Variants in UNC13B observed in about 807,000 individuals in gnomAD.
The protein encoded by UNC13B is protein unc-13 homolog B.
In UNC13B, 144 loss-of-function variants were observed where a neutral mutation model predicts 211.0. That is an observed-to-expected ratio of 0.68 (90% CI 0.60 to 0.78). The LOEUF (loss-of-function observed/expected upper bound fraction) is 0.78. Ranked by LOEUF, UNC13B falls within the 30% of genes least tolerant of loss-of-function variation. The probability of loss-of-function intolerance (pLI) is 0.00; values close to 1 mark genes in which losing one functional copy is unlikely to be tolerated. For synonymous variants in UNC13B, 709 were observed against 725.8 expected (o/e 0.98, Z 0.37); for missense variants, 1,777 against 2,002.0 (o/e 0.89, Z 2.14).
chr9:35,215,730 A>G (rs1824214143), intron 1 of UNC13B, among the ~76,000 whole-genome samples: 1 of 152,128 alleles, frequency 6.6e-6, no homozygotes, highest in Non-Finnish European at 1.5e-5. Flanking sequence ...AAAATGAGCA[A>G]TTTTTTTCCT....
chr9:35,379,718 G>C (rs73501716), intron 17 of UNC13B, among the ~76,000 whole-genome samples: 2 of 152,104 alleles, frequency 1.3e-5, no homozygotes, highest in South Asian at 4.1e-4. Flanking sequence ...GCTTCAAGAA[G>C]CTCCTTGTTG....
chr9:35,280,990 C>T (rs780157656), intron 7 of UNC13B, among the ~76,000 whole-genome samples: 2 of 152,106 alleles, frequency 1.3e-5, no homozygotes, highest in Non-Finnish European at 2.9e-5. Context: ...CTGATGGCTT[C>T]TTGTTATAGG....
chr9:35,299,777 A>T (rs1829581993), intron 8 of UNC13B, among the ~76,000 whole-genome samples: 1 of 152,134 alleles, frequency 6.6e-6, no homozygotes, highest in African/African-American at 2.4e-5. Context: ...AACATGTATT[A>T]AATCTTATAA....
At chr9:35,265,513 G>A (rs1442887775) in intron 7 of UNC13B, among the ~76,000 whole-genome samples, 1 of 152,196 alleles carries the variant, frequency 6.6e-6, no homozygotes, top group African/African-American at 2.4e-5. Flanking sequence ...GGCAGCCTGA[G>A]CAGATGTATA....
At chr9:35,248,835 G>T (rs539756415) in intron 6 of UNC13B, among the ~76,000 whole-genome samples, 1 of 152,306 alleles carries the variant, frequency 6.6e-6, no homozygotes, top group South Asian at 2.1e-4. Context: ...ATATTCTGTT[G>T]ATTTGGGGTG....
chr9:35,313,710 C>T lies in UNC13B; in HGVS notation c.9324-189C>T, dbSNP rs900240137. Among the ~76,000 whole-genome samples, 4 of 151,636 alleles carry T rather than the reference C, an allele frequency of 2.6e-5. 1 individual carries two copies. The highest frequency in any genetic ancestry group is 9.7e-5 in the African/African-American group (4 of 41,306). The stretch of plus-strand genomic sequence containing the variant: ...CAGATGAGAAGCTAAAAGGAGTTAT[C>T]GTTTTAGAGAGGAATTGTTTTCACA... On this transcript the variant is annotated intron_variant, in intron 10 of 39. Coordinates refer to ENST00000635942, the MANE Select transcript of UNC13B (RefSeq NM_001371189.2).
At position 35,404,132 on chromosome 9, in the gene UNC13B, A is replaced by G; in HGVS notation, c.*99A>G. ...CCGGCTTAGGGTCTTTGCAGTCAAG[A>G]GGCTGACCCCTTCAGTTAAAGATAT... On this transcript the variant is annotated 3_prime_UTR_variant, in exon 40 of 40. Transcript: ENST00000635942. 1 of 1,448,286 alleles carries G rather than the reference A, an allele frequency of 6.9e-7. No individual in the cohort carries two copies. The highest frequency in any genetic ancestry group is 9.2e-7 in the Non-Finnish European group (1 of 1,089,222). The allele number at this position is 1,448,286 out of a possible 1,614,324, so 89.7% of individuals were successfully genotyped here.
rs868660059 is a variant in UNC13B, at chr9:35,402,313, G to A, written c.12485-854G>A. On this transcript the variant is annotated intron_variant, in intron 37 of 39. Transcript: ENST00000635942. ...TTTTTTTTTTTTGAGACGGAGTCTC[G>A]CTCTGTCGCCCAGGCTGGAGTCCAG... Among the ~76,000 whole-genome samples, 22 of 142,312 alleles carry A rather than the reference G, an allele frequency of 1.5e-4. No homozygotes were observed. The Middle Eastern group carries it at 0.011, about 74-fold the overall frequency. The allele number at this position is 142,312 out of a possible 152,430, so 93.4% of individuals were successfully genotyped here.
chr9:35,399,385 T>G lies in UNC13B; in HGVS notation c.12199-7T>G, dbSNP rs1294404749. ...CTCTGCTTTTGACTGATTCCCTCTC[T>G]GCCCAGGGCACCCAGCTGATCTTCA... On this transcript the variant is annotated splice_polypyrimidine_tract_variant and splice_region_variant and intron_variant, in intron 34 of 39. Transcript: ENST00000635942. The G allele has an allele frequency of 3.1e-6, 5 of 1,614,114 alleles. No homozygotes were observed. In the South Asian group the frequency reaches 5.5e-5, roughly 18 times the overall value.
At chr9:35,401,607 T>C (rs1468324721) in intron 37 of UNC13B, among the ~76,000 whole-genome samples, 1 of 152,230 alleles carries the variant, frequency 6.6e-6, no homozygotes, top group African/African-American at 2.4e-5. Context: ...AATCCATGTG[T>C]ATGCGTGTGC....
intron 7 of UNC13B, among the ~76,000 whole-genome samples, chr9:35,295,051 G>A (rs1472360858): frequency 6.6e-6 from 1 of 152,120 alleles, no homozygotes; most frequent in Non-Finnish European, 1.5e-5. Context: ...TAGGGTGTAG[G>A]TGCTTGACAG....
intron 11 of UNC13B, among the ~76,000 whole-genome samples, chr9:35,314,874 CTTTTTTTTTT>C (rs765803997): frequency 1.7e-5 from 1 of 57,778 alleles, no homozygotes; most frequent in African/African-American, 7.3e-5. Context: ...GATTCCGTAT[CTTTTTTTTTT>C]TTTTTTTTTT....
At chr9:35,245,480 T>A (rs1019019752) in intron 6 of UNC13B, among the ~76,000 whole-genome samples, 2 of 148,402 alleles carry the variant, frequency 1.3e-5, no homozygotes, top group African/African-American at 5.0e-5. Context: ...GTATATCTCC[T>A]AATGCTATCC....
intron 6 of UNC13B, among the ~76,000 whole-genome samples, chr9:35,243,732 T>C (rs1296281071): frequency 6.6e-6 from 1 of 152,144 alleles, no homozygotes; most frequent in Non-Finnish European, 1.5e-5. Flanking sequence ...TTGAGGATGT[T>C]TAGACTATTG....
Position 35,310,960 on chromosome 9 carries a change from G to T in UNC13B, c.9323+179G>T, listed in dbSNP as rs1830156899. Reference sequence around the variant, plus strand: ...TATGGTGCACTTTCCAAGACATTTTGGAGATCTCTGAAGAATATTTGGGTT... The same window carrying T: ...TATGGTGCACTTTCCAAGACATTTTTGAGATCTCTGAAGAATATTTGGGTT... On this transcript the variant is annotated intron_variant, in intron 10 of 39. Coordinates refer to ENST00000635942, the MANE Select transcript of UNC13B (RefSeq NM_001371189.2). Among the ~76,000 whole-genome samples, 3 of 152,104 alleles carry T rather than the reference G, an allele frequency of 2.0e-5. No individual in the cohort carries two copies. The South Asian group carries it at 6.2e-4, about 32-fold the overall frequency.
chr9:35,349,601 G>A (rs1381987726), intron 11 of UNC13B, among the ~76,000 whole-genome samples: 2 of 152,196 alleles, frequency 1.3e-5, no homozygotes, highest in African/African-American at 2.4e-5. Flanking sequence ...TGCCTCACAG[G>A]ATGGATAGGG....
chr9:35,339,118 C>T (rs1205376422), intron 11 of UNC13B, among the ~76,000 whole-genome samples: 1 of 152,124 alleles, frequency 6.6e-6, no homozygotes, highest in Non-Finnish European at 1.5e-5. Flanking sequence ...TGTCTCTAGG[C>T]GAAGATCCCT....
At chr9:35,219,206 ACATTGGGGAGAAACCT>A (rs1358191580) in intron 1 of UNC13B, among the ~76,000 whole-genome samples, 1 of 152,170 alleles carries the variant, frequency 6.6e-6, no homozygotes, top group African/African-American at 2.4e-5. Context: ...CATACACTCA[ACATTGGGGAGAAACCT>A]CATTGGCAGT....
intron 3 of UNC13B, 85 bp from the exon 4 acceptor site, chr9:35,236,384 C>A: frequency 9.1e-7 from 1 of 1,099,420 alleles, no homozygotes; most frequent in Non-Finnish European, 1.3e-6. Context: ...GGTGAGAAAG[C>A]ATTCAAAGTT....
Sources: gnomAD v4.1 joint callset for allele counts (sites outside exome capture counted in the v4.1 genomes callset) on GRCh38, gnomAD v4.1.1 for gene constraint, MANE v1.5 for transcripts, NCBI Gene and HGNC (gene_info 2026-07-23, HGNC 2026-07-21) for gene names.